The following KLHL13 variants were observed in gnomAD, a reference collection of about 807,000 sequenced individuals.
KLHL13 encodes the protein kelch like family member 13.
A neutral mutation model predicts 37.1 loss-of-function variants in KLHL13; 10 were observed. The observed-to-expected ratio is 0.27, with a 90% confidence interval of 0.17 to 0.46. The LOEUF is 0.46. KLHL13 is among the 20% of genes least tolerant of loss of function. The pLI, the probability that KLHL13 is intolerant of heterozygous loss-of-function variation, is 1.00. For missense variants in KLHL13, 360 were observed against 509.3 expected, an observed-to-expected ratio of 0.71 and a Z score of 2.82; for synonymous variants, 163 against 181.2, an observed-to-expected ratio of 0.90 and a Z score of 0.81.
At chrX:117,959,503 T>C (rs1013124102) in intron 1 of KLHL13, among the ~76,000 whole-genome samples, 2 of 112,379 alleles carry the variant, frequency 1.8e-5, no homozygotes, top group Non-Finnish European at 3.8e-5. Context: ...GTTAAGATTT[T>C]GTAGAGCTGG....
chrX:117,917,078 A>G (rs1268648258), intron 4 of KLHL13, among the ~76,000 whole-genome samples: 2 of 111,537 alleles, frequency 1.8e-5, no homozygotes, highest in African/African-American at 6.5e-5. Flanking sequence ...ACATAGGTTT[A>G]ACTAAAAAAA....
At chrX:118,043,903 C>A (rs1443086349) in intron 1 of KLHL13, among the ~76,000 whole-genome samples, 1 of 111,255 alleles carries the variant, frequency 9.0e-6, no homozygotes, top group Non-Finnish European at 1.9e-5. Flanking sequence ...AGCAACCAGA[C>A]AAGAGAAAGA....
chrX:118,027,266 T>C (rs972256883), intron 1 of KLHL13, among the ~76,000 whole-genome samples: 8 of 111,617 alleles, frequency 7.2e-5, no homozygotes, highest in African/African-American at 2.6e-4. Flanking sequence ...GGCAATTTTG[T>C]GAGAGTTTTG....
intron 1 of KLHL13, among the ~76,000 whole-genome samples, chrX:117,965,251 T>C (rs1569428034): frequency 1.8e-5 from 2 of 111,677 alleles, no homozygotes; most frequent in Non-Finnish European, 3.8e-5. Context: ...CAGCACCTGT[T>C]GTTTCCTGAC....
At chrX:118,045,822 A>C (rs1485261534) in intron 1 of KLHL13, among the ~76,000 whole-genome samples, 1 of 111,624 alleles carries the variant, frequency 9.0e-6, no homozygotes, top group Non-Finnish European at 1.9e-5. Context: ...AATAAAAATA[A>C]AAATAAAACT....
At chrX:118,092,430 C>T (rs1341365689) in intron 1 of KLHL13, among the ~76,000 whole-genome samples, 2 of 110,958 alleles carry the variant, frequency 1.8e-5, no homozygotes, top group African/African-American at 6.5e-5. Flanking sequence ...TAAGAACTGT[C>T]AACTCAGAAT....
chrX:118,033,951 A>G (rs1235691868), intron 1 of KLHL13, among the ~76,000 whole-genome samples: 1 of 98,969 alleles, frequency 1.0e-5, no homozygotes, highest in Non-Finnish European at 2.0e-5. Flanking sequence ...CTAGTCTCTG[A>G]TAAAACAGAC....
At chrX:118,062,816 G>A (rs190046482) in intron 1 of KLHL13, among the ~76,000 whole-genome samples, 35 of 110,939 alleles carry the variant, frequency 3.2e-4, no homozygotes, top group Non-Finnish European at 4.9e-4. Context: ...GCCACATATG[G>A]TGACTTACAG....
At position 117,917,413 on chromosome X, in the gene KLHL13, C is replaced by CA. The variant is rs60405410; in HGVS notation, c.570+2107dup. Among the ~76,000 whole-genome samples the CA allele has an allele frequency of 1.9e-3, 181 of 93,744 alleles. 2 individuals are homozygous for CA. In the South Asian group the frequency reaches 0.033, roughly 17 times the overall value. The allele number at this position is 93,744 out of a possible 115,157, so 81.4% of individuals were successfully genotyped here. A position where few individuals can be genotyped will look rare whatever the true frequency, so the allele number is the denominator to read the frequency against. ...GGTTTTAGGATGTCTGCAAAGGATGCAAAAAAAAAAAATGAACATGATATT... is the reference window on the plus strand; with the variant it reads ...GGTTTTAGGATGTCTGCAAAGGATGCAAAAAAAAAAAAATGAACATGATATT... On this transcript the variant is annotated intron_variant, in intron 4 of 6. Transcript: ENST00000262820.
chrX:117,994,031 C>T (rs746205227), intron 1 of KLHL13, among the ~76,000 whole-genome samples: 65 of 111,297 alleles, frequency 5.8e-4, no homozygotes, highest in Admixed American at 8.5e-4. Context: ...CCACCACGCC[C>T]GGCCTGCTGC....
intron 1 of KLHL13, among the ~76,000 whole-genome samples, chrX:118,096,524 T>G (rs2055208323): frequency 8.9e-6 from 1 of 111,765 alleles, no homozygotes; most frequent in South Asian, 3.8e-4. Flanking sequence ...GTACCATTCC[T>G]TCCGAAACTA....
intron 1 of KLHL13, among the ~76,000 whole-genome samples, chrX:117,966,546 T>A (rs1003523242): frequency 1.8e-5 from 2 of 111,422 alleles, no homozygotes; most frequent in African/African-American, 6.5e-5. Flanking sequence ...CTTCACAGAA[T>A]GGGAAAAAAC....
chrX:117,970,364 C>G (rs917526865), intron 1 of KLHL13, among the ~76,000 whole-genome samples: 6 of 111,661 alleles, frequency 5.4e-5, no homozygotes, highest in African/African-American at 1.3e-4. Context: ...AATACTTATA[C>G]ATTATTTTAC....
At chrX:117,972,122 C>CT (rs34472997) in intron 1 of KLHL13, among the ~76,000 whole-genome samples, 1 of 111,921 alleles carries the variant, frequency 8.9e-6, no homozygotes, top group East Asian at 2.8e-4. Context: ...TTGTAGAATA[C>CT]TTTTTCAATC....
intron 1 of KLHL13, among the ~76,000 whole-genome samples, chrX:118,099,905 A>AG: frequency 1.0e-5 from 1 of 100,451 alleles, no homozygotes; most frequent in African/African-American, 4.4e-5. Flanking sequence ...GAAGGAAGGA[A>AG]AGAAGGAAGG....
In KLHL13 at chrX:117,904,905, T is replaced by G. The variant is rs758722010; in HGVS notation, c.1367-2959A>C. On this transcript the variant is annotated intron_variant, in intron 5 of 6. Coordinates refer to ENST00000262820, the Ensembl canonical transcript of KLHL13. Reference sequence around the variant, plus strand: ...TTTACATTAAAGAATCTCTCCAATTTAAGAATTATACTTAGGTTGGTTATC... The same window carrying G: ...TTTACATTAAAGAATCTCTCCAATTGAAGAATTATACTTAGGTTGGTTATC... Among the ~76,000 whole-genome samples, 5 of 111,917 alleles carry G rather than the reference T, an allele frequency of 4.5e-5. No homozygotes were observed. In the South Asian group the frequency reaches 1.1e-3, roughly 25 times the overall value.
upstream of KLHL13, among the ~76,000 whole-genome samples, chrX:117,975,179 C>T (rs1057157699): frequency 1.0e-4 from 11 of 106,603 alleles, no homozygotes; most frequent in East Asian, 2.3e-3. Flanking sequence ...GAAATACATA[C>T]ACACACACAC....
chrX:118,067,060 C>T (rs1356501800), intron 1 of KLHL13, among the ~76,000 whole-genome samples: 1 of 111,326 alleles, frequency 9.0e-6, no homozygotes, highest in African/African-American at 3.3e-5. Flanking sequence ...CATCATTATG[C>T]AAACATCATA....
chrX:118,006,927 C>T (rs1260675627), intron 1 of KLHL13, among the ~76,000 whole-genome samples: 1 of 111,275 alleles, frequency 9.0e-6, no homozygotes, highest in African/African-American at 3.3e-5. Flanking sequence ...ATATACTTTC[C>T]CCTTCATATC....
Sources: allele counts gnomAD v4.1 joint callset (sites outside exome capture counted in the v4.1 genomes callset), GRCh38; gene constraint gnomAD v4.1.1; transcripts MANE v1.5; gene names NCBI Gene and HGNC (gene_info 2026-07-23, HGNC 2026-07-21).